The following COP1 variants were observed in gnomAD, a reference collection of about 807,000 sequenced individuals.
The protein encoded by COP1 is E3 ubiquitin-protein ligase COP1.
A neutral mutation model predicts 101.3 loss-of-function variants in COP1; 24 were observed. The ratio of observed to expected loss-of-function variants is 0.24; its 90% confidence interval spans 0.17 to 0.33. The LOEUF (loss-of-function observed/expected upper bound fraction) is 0.33. Ranked by LOEUF, COP1 falls within the 10% of genes least tolerant of loss-of-function variation. The probability of loss-of-function intolerance (pLI) is 1.00; values close to 1 mark genes in which losing one functional copy is unlikely to be tolerated. For synonymous variants in COP1, 347 were observed against 341.9 expected (o/e 1.01, Z -0.17); for missense variants, 663 against 906.2 (o/e 0.73, Z 3.45).
chr1:176,194,850 A>T (rs935484200), intron 1 of COP1, among the ~76,000 whole-genome samples: 83 of 152,024 alleles, frequency 5.5e-4, no homozygotes, highest in African/African-American at 1.9e-3. Context: ...CCAAGGCAGG[A>T]GAATCGCTTG....
At chr1:175,976,974 C>T (rs1654746448) in intron 18 of COP1, among the ~76,000 whole-genome samples, 1 of 152,042 alleles carries the variant, frequency 6.6e-6, no homozygotes, top group South Asian at 2.1e-4. Flanking sequence ...ACACTTAAAG[C>T]AAAATCAACT....
intron 18 of COP1, among the ~76,000 whole-genome samples, chr1:175,978,656 A>G (rs1029667452): frequency 3.3e-5 from 5 of 152,144 alleles, no homozygotes; most frequent in African/African-American, 1.2e-4. Context: ...TTCTACTCCC[A>G]AGACAGACAA....
chr1:176,110,804 G>C (rs1462367348), intron 9 of COP1, among the ~76,000 whole-genome samples: 1 of 152,194 alleles, frequency 6.6e-6, no homozygotes, highest in Non-Finnish European at 1.5e-5. Context: ...TATATTATCT[G>C]AGTCAACCTC....
intron 11 of COP1, among the ~76,000 whole-genome samples, chr1:176,058,346 G>T (rs1041602254): frequency 3.3e-5 from 5 of 152,200 alleles, no homozygotes; most frequent in Non-Finnish European, 7.4e-5. Context: ...GTGGGGAAAA[G>T]ATTGAGAAAT....
chr1:175,987,480 A>C (rs966266305), intron 17 of COP1, among the ~76,000 whole-genome samples: 13 of 152,206 alleles, frequency 8.5e-5, no homozygotes, highest in Non-Finnish European at 8.8e-5. Flanking sequence ...TAAGAATCTT[A>C]AATTACATTT....
At chr1:176,192,129 G>C (rs12738115) in intron 1 of COP1, among the ~76,000 whole-genome samples, 5,765 of 152,060 alleles carry the variant, frequency 0.038, 151 homozygotes, top group Middle Eastern at 0.065. Flanking sequence ...GATTGAATCA[G>C]GGAACTACAT....
At chr1:176,178,650 G>C (rs990614123) in intron 2 of COP1, among the ~76,000 whole-genome samples, 43 of 151,188 alleles carry the variant, frequency 2.8e-4, no homozygotes, top group Non-Finnish European at 2.4e-4. Flanking sequence ...TCAGGAGTTC[G>C]AGACCAGCCT....
At chr1:176,069,841 A>G (rs964123738) in intron 11 of COP1, among the ~76,000 whole-genome samples, 4 of 152,182 alleles carry the variant, frequency 2.6e-5, no homozygotes, top group Admixed American at 2.6e-4. Flanking sequence ...GATCTAATCC[A>G]ACAGATTATC....
chr1:176,074,085 C>A (rs1677510612), intron 11 of COP1, among the ~76,000 whole-genome samples: 1 of 152,072 alleles, frequency 6.6e-6, no homozygotes. Context: ...CGCCACCATG[C>A]CTGGCTAATT....
chr1:175,988,060 T>C (rs1657544351), intron 17 of COP1, among the ~76,000 whole-genome samples: 1 of 152,182 alleles, frequency 6.6e-6, no homozygotes, highest in Non-Finnish European at 1.5e-5. Context: ...AAATCAGGTG[T>C]TCAGGTATTT....
intron 15 of COP1, chr1:176,017,180 T>C (rs1447189531): frequency 6.6e-6 from 1 of 152,212 alleles, no homozygotes; most frequent in Non-Finnish European, 1.5e-5. Context: ...AAAATGACTA[T>C]TATTAATGAG....
chr1:176,094,436 A>G (rs1231007834), intron 9 of COP1, among the ~76,000 whole-genome samples: 2 of 151,878 alleles, frequency 1.3e-5, no homozygotes, highest in Admixed American at 6.6e-5. Context: ...TTGAAAATAC[A>G]TATTGGATGC....
At chr1:176,022,848 C>G (rs1666991500) in intron 15 of COP1, among the ~76,000 whole-genome samples, 1 of 152,220 alleles carries the variant, frequency 6.6e-6, no homozygotes, top group Non-Finnish European at 1.5e-5. Flanking sequence ...CTACATTGCT[C>G]AGATGCCCTT....
intron 12 of COP1, among the ~76,000 whole-genome samples, chr1:176,044,131 C>A (rs1161412493): frequency 6.6e-6 from 1 of 152,198 alleles, no homozygotes; most frequent in African/African-American, 2.4e-5. Flanking sequence ...GAAGGTGATA[C>A]TATCCAGAGG....
rs992748000 is a variant in COP1 at position 176,101,423 on chromosome 1, T to C, written c.1026+15201A>G. 2.0e-5 allele frequency among the ~76,000 whole-genome samples: 3 copies of C among 152,186 alleles called. No homozygotes were observed. In the South Asian group the frequency reaches 6.2e-4, roughly 31 times the overall value. On this transcript the variant is annotated intron_variant, in intron 9 of 19. Transcript: ENST00000367669. ...TCCTTTGGAAAAAAAAAGGCTTTCTTTTTCCTTTCTCCTCCTCTGTCCTCT... is the reference window on the plus strand; with the variant it reads ...TCCTTTGGAAAAAAAAAGGCTTTCTCTTTCCTTTCTCCTCCTCTGTCCTCT...
intron 9 of COP1, among the ~76,000 whole-genome samples, chr1:176,095,456 G>A (rs1023620440): frequency 1.3e-5 from 2 of 152,202 alleles, no homozygotes; most frequent in African/African-American, 4.8e-5. Context: ...GCCAAGGCAG[G>A]CAGATTGCTT....
At chr1:176,073,703 C>T (rs542379162) in intron 11 of COP1, among the ~76,000 whole-genome samples, 1 of 152,182 alleles carries the variant, frequency 6.6e-6, no homozygotes, top group East Asian at 1.9e-4. Context: ...GTTTAATAGT[C>T]GAGATACTGT....
chr1:176,033,129 G>C (rs1401428873), intron 14 of COP1, among the ~76,000 whole-genome samples: 1 of 152,124 alleles, frequency 6.6e-6, no homozygotes, highest in Non-Finnish European at 1.5e-5. Flanking sequence ...TTGGAATGAA[G>C]GGCCAGGTGC....
intron 11 of COP1, among the ~76,000 whole-genome samples, chr1:176,075,031 T>TA (rs1677723808): frequency 6.6e-6 from 1 of 152,190 alleles, no homozygotes; most frequent in Admixed American, 6.5e-5. Context: ...TTTTATTTCT[T>TA]ATCTATAAGG....
Sources: allele counts gnomAD v4.1 joint callset (sites outside exome capture counted in the v4.1 genomes callset), GRCh38; gene constraint gnomAD v4.1.1; transcripts MANE v1.5; gene names NCBI Gene and HGNC (gene_info 2026-07-23, HGNC 2026-07-21).